Variants in TESPA1 observed in about 807,000 individuals in gnomAD.
The protein encoded by TESPA1 is protein TESPA1.
A neutral mutation model predicts 57.9 loss-of-function variants in TESPA1; 33 were observed. The observed-to-expected ratio is 0.57, with a 90% CI of 0.43 to 0.76. The LOEUF (loss-of-function observed/expected upper bound fraction) is 0.76. Among genes scored for constraint, TESPA1 ranks in the 30% least tolerant of loss-of-function variants. The probability of loss-of-function intolerance (pLI) is 0.00; values close to 1 mark genes in which losing one functional copy is unlikely to be tolerated. For missense variants in TESPA1, 618 were observed against 632.9 expected (o/e 0.98, Z 0.25); for synonymous variants, 227 against 228.9 (o/e 0.99, Z 0.07).
At chr12:54,980,940 C>T (rs534474196) in intron 1 of TESPA1, among the ~76,000 whole-genome samples, 1 of 152,070 alleles carries the variant, frequency 6.6e-6, no homozygotes, top group South Asian at 2.1e-4. Flanking sequence ...ACTATCTTTT[C>T]TTCTATACCT....
chr12:54,967,062 G>A, intron 5 of TESPA1, 121 bp downstream of exon 5: 1 of 1,116,498 alleles, frequency 9.0e-7, no homozygotes, highest in Non-Finnish European at 1.3e-6. Flanking sequence ...CCCTTTCCCT[G>A]TAGATAAGAC....
At chr12:54,955,094 C>T (rs1271397449) in intron 10 of TESPA1, among the ~76,000 whole-genome samples, 1 of 152,184 alleles carries the variant, frequency 6.6e-6, no homozygotes, top group African/African-American at 2.4e-5. Context: ...CTTGCGAACA[C>T]GTATCTTTCT....
chr12:54,970,584 G>A (rs879339568), intron 3 of TESPA1, among the ~76,000 whole-genome samples: 2 of 152,086 alleles, frequency 1.3e-5, no homozygotes, highest in Admixed American at 6.5e-5. Context: ...CTTTCTCACC[G>A]AGCACAATGA....
chr12:54,977,887 C>T (rs2046686), intron 1 of TESPA1, among the ~76,000 whole-genome samples: 51,147 of 151,922 alleles, frequency 0.34, 10,879 homozygotes, highest in East Asian at 0.89. Context: ...ATTGTAGAGC[C>T]CTGTCCATGG....
intron 10 of TESPA1, among the ~76,000 whole-genome samples, chr12:54,950,914 A>G (rs1002568528): frequency 6.6e-6 from 1 of 152,060 alleles, no homozygotes; most frequent in African/African-American, 2.4e-5. Context: ...CCAGATGACC[A>G]ATATAACCAT....
intron 7 of TESPA1, among the ~76,000 whole-genome samples, chr12:54,964,619 T>G (rs1403357129): frequency 1.3e-5 from 2 of 152,216 alleles, no homozygotes; most frequent in Non-Finnish European, 2.9e-5. Context: ...TTTCAGACAG[T>G]GAGGCTAAGG....
At chr12:54,965,502 A>C (rs1592365344) in intron 7 of TESPA1, among the ~76,000 whole-genome samples, 1 of 152,114 alleles carries the variant, frequency 6.6e-6, no homozygotes, top group African/African-American at 2.4e-5. Context: ...AGCTCTATCC[A>C]TGTCCCTGCA....
intron 1 of TESPA1, among the ~76,000 whole-genome samples, chr12:54,981,420 C>T (rs929515974): frequency 6.4e-5 from 6 of 93,648 alleles, no homozygotes; most frequent in Admixed American, 4.5e-4. Flanking sequence ...GGGGCCTGTC[C>T]TAGGGTGGGG....
chr12:54,981,459 G>A (rs949001249), intron 1 of TESPA1, among the ~76,000 whole-genome samples: 23 of 151,326 alleles, frequency 1.5e-4, no homozygotes, highest in South Asian at 6.3e-4. Context: ...ATTAGGAGAT[G>A]TACCTAATGT....
At chr12:54,976,080 G>A (rs919676260) in intron 1 of TESPA1, among the ~76,000 whole-genome samples, 19 of 152,198 alleles carry the variant, frequency 1.2e-4, no homozygotes, top group African/African-American at 4.6e-4. Flanking sequence ...ATCACTGAAT[G>A]AAGTTAATGT....
At position 54,973,535 on chromosome 12, in the gene TESPA1, A is replaced by G. The variant is rs1951976864; in HGVS notation, c.164-16T>C. The G allele has an allele frequency of 1.9e-6, 3 of 1,613,918 alleles. No individual in the cohort carries two copies. The highest frequency in any genetic ancestry group is 1.6e-4 in the Middle Eastern group (1 of 6,082). On this transcript the variant is annotated splice_polypyrimidine_tract_variant and intron_variant, in intron 2 of 10. Transcript: ENST00000449076. ...ATTGGATTCCCTAGAAAAGTCAGAC[A>G]CTAGATCACTGTGAGAACTGAACGA...
At chr12:54,982,795 A>G (rs1330655682) in intron 1 of TESPA1, among the ~76,000 whole-genome samples, 3 of 152,234 alleles carry the variant, frequency 2.0e-5, no homozygotes, top group Admixed American at 1.3e-4. Context: ...TTTCCTTGGT[A>G]ATAAGCTCTG....
intron 10 of TESPA1, among the ~76,000 whole-genome samples, chr12:54,959,579 G>A (rs1950952485): frequency 6.6e-6 from 1 of 152,116 alleles, no homozygotes; most frequent in South Asian, 2.1e-4. Context: ...GTAATTCCTC[G>A]GTTATTGTCC....
chr12:54,962,742 G>A lies in TESPA1; in HGVS notation c.1156C>T (p.Pro386Ser), dbSNP rs201983343. The change falls in exon 9 of 11, where the codon CCC becomes TCC. Residue 386 changes from proline to serine, a missense_variant. By Grantham distance (74) the Pro-to-Ser change is moderately conservative. Around this residue, in one of 3 missense-constraint regions of TESPA1, gnomAD observed 409 missense variants for 420.1 expected, o/e 0.97. Coordinates refer to ENST00000449076, the MANE Select transcript of TESPA1 (RefSeq NM_001136030.3). Reference protein sequence around the residue: ...LAPSQTLDSNPKVPCCTHSLP... With the variant: ...LAPSQTLDSNSKVPCCTHSLP... ...GAATGTGTGCAACAGGGTACCTTGG[G>A]GTTCGAATCCAGAGTTTGGGATGGT... 91 of 1,613,774 alleles carry A rather than the reference G, an allele frequency of 5.6e-5. No individual in the cohort carries two copies. Among genetic ancestry groups the A allele is most frequent in the Non-Finnish European group, 7.5e-5 (89 of 1,179,882 alleles).
intron 1 of TESPA1, among the ~76,000 whole-genome samples, chr12:54,979,636 A>G (rs943872071): frequency 1.3e-5 from 2 of 152,236 alleles, no homozygotes; most frequent in African/African-American, 4.8e-5. Flanking sequence ...TGTAGTAGAT[A>G]GGATTGAGGT....
At chr12:54,978,898 G>A (rs1027065121) in intron 1 of TESPA1, among the ~76,000 whole-genome samples, 1 of 152,142 alleles carries the variant, frequency 6.6e-6, no homozygotes. Context: ...ACCACTACTT[G>A]TAACTTCTCC....
At chr12:54,984,157 A>G (rs140136551) in intron 1 of TESPA1, 147 of 152,310 alleles carry the variant, frequency 9.7e-4, no homozygotes, top group African/African-American at 3.5e-3. Flanking sequence ...TATGGACACT[A>G]GAGTAGGGCC....
chr12:54,951,928 T>A (rs1950422996), intron 10 of TESPA1, among the ~76,000 whole-genome samples: 1 of 151,966 alleles, frequency 6.6e-6, no homozygotes, highest in Non-Finnish European at 1.5e-5. Context: ...TCACCTATTA[T>A]AAGTAAGCCT....
intron 3 of TESPA1, among the ~76,000 whole-genome samples, chr12:54,971,277 T>C (rs1312983735): frequency 6.6e-6 from 1 of 152,254 alleles, no homozygotes. Context: ...GCGGGCTCCT[T>C]GTTTATCCTC....
Sources: allele counts gnomAD v4.1 joint callset (sites outside exome capture counted in the v4.1 genomes callset), GRCh38; gene constraint gnomAD v4.1.1; regional missense constraint gnomAD v4.1.1; transcripts MANE v1.5; gene names NCBI Gene and HGNC (gene_info 2026-07-23, HGNC 2026-07-21).